The following MET variants were observed in gnomAD, a reference collection of about 807,000 sequenced individuals.
MET encodes the protein hepatocyte growth factor receptor.
MET carries 48 observed loss-of-function variants against 133.1 expected under a neutral mutation model. That is an observed-to-expected ratio of 0.36 (90% CI 0.29 to 0.46). The LOEUF is 0.46. Among genes scored for constraint, MET ranks in the 20% least tolerant of loss-of-function variants. The pLI is 1.00. For missense variants in MET, 1,442 were observed against 1,695.9 expected, an observed-to-expected ratio of 0.85 and a Z score of 2.63; for synonymous variants, 628 against 616.5, an observed-to-expected ratio of 1.02 and a Z score of -0.28.
chr7:116,796,324 A>G lies in MET; in HGVS notation c.*200A>G. 9.7e-6 allele frequency: 6 copies of G among 616,356 alleles called. No homozygotes were observed. The highest frequency in any genetic ancestry group is 1.7e-5 in the Non-Finnish European group (6 of 347,182). 38.2% of individuals were successfully genotyped at this position (616,356 alleles called of 1,614,324 possible). A position where few individuals can be genotyped will look rare whatever the true frequency, so the allele number is the denominator to read the frequency against. ...AACCAGAGGCTTGGTCCCACAGGCCACGGACCAATGGCCTGCAGCCGTGAC... is the reference window on the plus strand; with the variant it reads ...AACCAGAGGCTTGGTCCCACAGGCCGCGGACCAATGGCCTGCAGCCGTGAC... On this transcript the variant is annotated 3_prime_UTR_variant, in exon 21 of 21. Transcript: ENST00000397752.
rs150485412 is a variant in MET at position 116,696,160 on chromosome 7, C to T, written c.-14-2911C>T. Among the ~76,000 whole-genome samples, 890 of 152,178 alleles carry T rather than the reference C, an allele frequency of 5.8e-3. 7 individuals carry two copies. Among genetic ancestry groups the T allele is most frequent in the African/African-American group, 0.016 (654 of 41,534 alleles). ...CTAGGATTACAGGCATGAACCACCGCGCTCAGCCAGGAATTTTCATTCTTT... is the reference window on the plus strand; with the variant it reads ...CTAGGATTACAGGCATGAACCACCGTGCTCAGCCAGGAATTTTCATTCTTT... On this transcript the variant is annotated intron_variant, in intron 1 of 20. Coordinates refer to ENST00000397752, the MANE Select transcript of MET (RefSeq NM_000245.4).
chr7:116,698,123 G>A (rs1025360362), intron 1 of MET, among the ~76,000 whole-genome samples: 1 of 152,012 alleles, frequency 6.6e-6, no homozygotes, highest in African/African-American at 2.4e-5. Flanking sequence ...TCATTCTAAG[G>A]CCTCTCCTTT....
chr7:116,743,035 C>T (rs961988580), intron 5 of MET, among the ~76,000 whole-genome samples: 3 of 152,210 alleles, frequency 2.0e-5, no homozygotes, highest in East Asian at 1.9e-4. Context: ...CAGAGGTACA[C>T]GGCTCATCTC....
chr7:116,777,352 G>A, intron 15 of MET, 37 bp from the exon 16 acceptor site: 2 of 1,488,242 alleles, frequency 1.3e-6, no homozygotes, highest in Non-Finnish European at 1.9e-6. Flanking sequence ...ATAATTAAAT[G>A]TTACGCAGTG....
chr7:116,798,116 CA>C lies in MET; in HGVS notation c.*1994del, dbSNP rs1795733190. Reference sequence around the variant, plus strand: ...ACCAGGGTCAAGAGCATGAACGCATCAATAGAAAGAACTCGGGGAAACATCC... The same window carrying C: ...ACCAGGGTCAAGAGCATGAACGCATCATAGAAAGAACTCGGGGAAACATCC... On this transcript the variant is annotated 3_prime_UTR_variant, in exon 21 of 21. Coordinates refer to ENST00000397752, the MANE Select transcript of MET (RefSeq NM_000245.4). 4.5e-6 allele frequency: 1 copy of C among 220,784 alleles called. No homozygotes were observed. The highest frequency in any genetic ancestry group is 9.1e-6 in the Non-Finnish European group (1 of 109,970). The allele number at this position is 220,784 out of a possible 1,614,324, so 13.7% of individuals were successfully genotyped here.
At chr7:116,791,646 T>C (rs933993017) in intron 19 of MET, among the ~76,000 whole-genome samples, 5 of 152,142 alleles carry the variant, frequency 3.3e-5, no homozygotes, top group Non-Finnish European at 7.4e-5. Context: ...GCATATCTTA[T>C]GCGATACACT....
intron 3 of MET, 64 bp downstream of exon 3, chr7:116,731,923 G>C (rs376127365): frequency 6.5e-7 from 1 of 1,537,604 alleles, no homozygotes; most frequent in East Asian, 2.2e-5. Context: ...ATTTGTTTTC[G>C]TTTTTGCAGT....
chr7:116,675,552 A>G (rs1193039018), intron 1 of MET, among the ~76,000 whole-genome samples: 2 of 152,170 alleles, frequency 1.3e-5, no homozygotes, highest in Non-Finnish European at 2.9e-5. Flanking sequence ...TAACATTCTT[A>G]TGTTATAGAC....
At chr7:116,732,891 T>C (rs1041813771) in intron 3 of MET, among the ~76,000 whole-genome samples, 1 of 152,184 alleles carries the variant, frequency 6.6e-6, no homozygotes, top group Non-Finnish European at 1.5e-5. Context: ...AAGGGCATGG[T>C]GGAATTTTTT....
At chr7:116,781,443 G>A (rs1199757361) in intron 17 of MET, among the ~76,000 whole-genome samples, 1 of 152,160 alleles carries the variant, frequency 6.6e-6, no homozygotes, top group East Asian at 1.9e-4. Context: ...AATGGAGCCT[G>A]TAACACCTGC....
chr7:116,794,186 C>G (rs755109343), intron 19 of MET, among the ~76,000 whole-genome samples: 1 of 152,060 alleles, frequency 6.6e-6, no homozygotes, highest in East Asian at 1.9e-4. Flanking sequence ...TTCTCTTAAC[C>G]CTGTTCATTC....
At chr7:116,680,529 G>T (rs188721542) in intron 1 of MET, among the ~76,000 whole-genome samples, 2 of 152,272 alleles carry the variant, frequency 1.3e-5, no homozygotes, top group Admixed American at 1.3e-4. Context: ...AGCAAAGGAA[G>T]GGGAAAGGTG....
At chr7:116,782,135 G>A (rs2117061006) in intron 18 of MET, 38 bp downstream of exon 18, 1 of 1,372,636 alleles carries the variant, frequency 7.3e-7, no homozygotes, top group Non-Finnish European at 1.0e-6. Context: ...TCCAAATTAA[G>A]TGACAAGGAG....
chr7:116,716,324 AGAGAGAGAGAGAG>A (rs1792200134), intron 2 of MET, among the ~76,000 whole-genome samples: 7 of 142,480 alleles, frequency 4.9e-5, no homozygotes, highest in African/African-American at 1.6e-4. Flanking sequence ...AGAGAGAGAG[AGAGAGAGAGAGAG>A]AAAAGAAACG....
At chr7:116,682,288 T>G (rs913625620) in intron 1 of MET, among the ~76,000 whole-genome samples, 5 of 152,220 alleles carry the variant, frequency 3.3e-5, no homozygotes, top group Admixed American at 3.3e-4. Context: ...GACGAATAAC[T>G]TAGACTGGTA....
intron 2 of MET, among the ~76,000 whole-genome samples, chr7:116,713,940 C>T (rs541704711): frequency 6.6e-6 from 1 of 152,266 alleles, no homozygotes; most frequent in East Asian, 1.9e-4. Context: ...TTTGTTAGTG[C>T]AGGGTAATTG....
chr7:116,779,038 T>C (rs1282813582), intron 17 of MET, 81 bp downstream of exon 17: 1 of 1,412,820 alleles, frequency 7.1e-7, no homozygotes, highest in African/African-American at 1.4e-5. Flanking sequence ...CTCTGAGTCT[T>C]TAAAAAGCTA....
chr7:116,728,837 A>G (rs948144686), intron 2 of MET, among the ~76,000 whole-genome samples: 2 of 152,196 alleles, frequency 1.3e-5, no homozygotes, highest in Non-Finnish European at 2.9e-5. Context: ...TTTATATCCC[A>G]GTGAATCCAT....
At chr7:116,749,831 C>A (rs572535159) in intron 5 of MET, among the ~76,000 whole-genome samples, 2 of 152,124 alleles carry the variant, frequency 1.3e-5, no homozygotes, top group African/African-American at 4.8e-5. Context: ...AAACAGAGAG[C>A]CAAATCATGA....
Sources: allele counts gnomAD v4.1 joint callset (sites outside exome capture counted in the v4.1 genomes callset), GRCh38; gene constraint gnomAD v4.1.1; transcripts MANE v1.5; gene names NCBI Gene and HGNC (gene_info 2026-07-23, HGNC 2026-07-21).